HDAC5: variants seen among roughly 807,000 people sequenced by gnomAD.
HDAC5 encodes antigen NY-CO-9.
Under a neutral mutation model 133.3 loss-of-function variants are expected in HDAC5, and 25 were observed. The ratio of observed to expected loss-of-function variants is 0.19; its 90% CI spans 0.14 to 0.26. The LOEUF is 0.26. Ranked by LOEUF, HDAC5 falls within the 10% of genes least tolerant of loss-of-function variation. HDAC5 has a pLI of 1.00. For missense variants in HDAC5, 1,041 were observed against 1,460.5 expected, an observed-to-expected ratio of 0.71 and a Z score of 4.68; for synonymous variants, 589 against 610.8, an observed-to-expected ratio of 0.96 and a Z score of 0.53.
rs1479405609 is a variant in HDAC5 at position 44,102,683 on chromosome 17, T to G, written c.94+8046A>C. Among the ~76,000 whole-genome samples the G allele has an allele frequency of 5.5e-5, 6 of 108,586 alleles. 1 individual carries two copies. The highest frequency in any genetic ancestry group is 3.0e-4 in the Admixed American group (3 of 9,866). The allele number at this position is 108,586 out of a possible 152,430, so 71.2% of individuals were successfully genotyped here. On this transcript the variant is annotated intron_variant, in intron 3 of 26. Transcript: ENST00000682912. ...AGGTTCTCTCTTTTTTTTTTTTTTT[T>G]GGAGACAGTCTCTCTGTTGCCCAGC...
chr17:44,103,704 G>GT (rs1237308185), intron 3 of HDAC5, among the ~76,000 whole-genome samples: 13 of 150,974 alleles, frequency 8.6e-5, no homozygotes, highest in African/African-American at 3.2e-4. Context: ...TCTCAGAATG[G>GT]TTTTTTCTTT....
In HDAC5 at chr17:44,117,721, CA is replaced by C. The variant is rs1598043489; in HGVS notation, c.-189-18del. ...ACGGCATCCCTGGGGAGAGATGGAG[CA>C]GGGTTAGAGGCCCCTAACTCAGGAA... is the stretch of plus-strand genomic sequence containing the variant. On this transcript the variant is annotated intron_variant, in intron 1 of 26. Coordinates refer to ENST00000682912, the MANE Select transcript of HDAC5 (RefSeq NM_005474.5). This position sits in a 1 kb window ranked among gnomAD's most constrained non-coding sequence, Gnocchi z 4.2. The C allele has an allele frequency of 1.6e-6, 1 of 629,716 alleles. No homozygotes were observed. The highest frequency in any genetic ancestry group is 2.7e-5 in the East Asian group (1 of 36,574). The allele number at this position is 629,716 out of a possible 1,614,324, so 39.0% of individuals were successfully genotyped here.
intron 18 of HDAC5, 56 bp from the exon 19 acceptor site, chr17:44,082,876 G>T (rs188695612): frequency 6.1e-6 from 9 of 1,475,106 alleles, no homozygotes; most frequent in East Asian, 2.5e-5. Flanking sequence ...GGCCGTGGAG[G>T]GGGTAGCACA....
At chr17:44,090,443 C>T (rs1227733123) in intron 11 of HDAC5, among the ~76,000 whole-genome samples, 4 of 151,884 alleles carry the variant, frequency 2.6e-5, no homozygotes, top group Non-Finnish European at 5.9e-5. Context: ...GGAGCGATCT[C>T]GGCTCACTGC....
intron 2 of HDAC5, chr17:44,115,941 T>A (rs1160648133): frequency 6.6e-6 from 1 of 152,242 alleles, no homozygotes; most frequent in East Asian, 1.9e-4. Context: ...AACACTCTTG[T>A]CAGCTCCCAC....
Position 44,092,257 on chromosome 17 carries a change from C to T in HDAC5, c.947G>A (p.Gly316Asp). The T allele has an allele frequency of 1.2e-6, 2 of 1,613,932 alleles. No homozygotes were observed. Among genetic ancestry groups the T allele is most frequent in the Non-Finnish European group, 1.7e-6 (2 of 1,179,954 alleles). ...GCTGTTGGGAGAGCTGGGGCCGGAG[C>T]CGGGTGCGCTGTTACACACGGACGA... The part of the protein sequence containing the change: ...GASSVCNSAP[G>D]SGPSSPNSSH... The change falls in exon 9 of 27, where the codon GGC (glycine) becomes GAC (aspartate). Residue 316 changes from glycine to aspartate, a missense_variant. This residue lies in a region of HDAC5 where 433 missense variants were observed against 531.6 expected (regional missense o/e 0.81). Coordinates refer to ENST00000682912, the MANE Select transcript of HDAC5 (RefSeq NM_005474.5).
In HDAC5 at chr17:44,117,460, C is replaced by T; in HGVS notation, c.22+34G>A. 6.2e-7 allele frequency: 1 copy of T among 1,613,576 alleles called. No individual in the cohort carries two copies. The highest frequency in any genetic ancestry group is 1.1e-5 in the South Asian group (1 of 91,072). On this transcript the variant is annotated intron_variant, in intron 2 of 26. Transcript: ENST00000682912. This position sits in a 1 kb window ranked among gnomAD's most constrained non-coding sequence, Gnocchi z 4.2. ...ACAGCCCATTGCATCCGAAGCTACC[C>T]CAGGGTGCTCTTCTCCAACCTCCCA...
At chr17:44,084,530 C>T in intron 16 of HDAC5, 25 bp downstream of exon 16, 1 of 1,612,856 alleles carries the variant, frequency 6.2e-7, no homozygotes, top group Non-Finnish European at 8.5e-7. Context: ...AACATGCCTG[C>T]CCGCCCACCC....
chr17:44,114,436 G>T (rs907018298), intron 2 of HDAC5, among the ~76,000 whole-genome samples: 8 of 145,274 alleles, frequency 5.5e-5, no homozygotes, highest in African/African-American at 2.1e-4. Flanking sequence ...GAGAGCAGGC[G>T]TGGGGGGGGG....
At position 44,091,816 on chromosome 17, in the gene HDAC5, G is replaced by T. The variant is rs1368368169; in HGVS notation, c.1048C>A (p.Arg350=). 6.4e-7 allele frequency: 1 copy of T among 1,569,658 alleles called. No individual in the cohort carries two copies. Among genetic ancestry groups the T allele is most frequent in the Non-Finnish European group, 8.6e-7 (1 of 1,160,306 alleles). Residue 350 remains arginine (R), a synonymous_variant, in exon 10 of 27, where the codon CGA becomes AGA. Coordinates refer to ENST00000682912, the MANE Select transcript of HDAC5 (RefSeq NM_005474.5). ...GGGGAGCTGTCCAGAGGGAGGGCTC[G>T]GTGCTGAGGGAGCATCTGGGGAGCA... is the stretch of plus-strand genomic sequence containing the variant. ...NIPTEMLPQH[R]ALPLDSSPNQ...
At position 44,086,621 on chromosome 17, in the gene HDAC5, C is replaced by T; in HGVS notation, c.2001G>A (p.Gly667=). 7.7e-7 allele frequency: 1 copy of T among 1,303,670 alleles called. No individual in the cohort carries two copies. Among genetic ancestry groups the T allele is most frequent in the Non-Finnish European group, 9.8e-7 (1 of 1,018,340 alleles). The allele number at this position is 1,303,670 out of a possible 1,614,324, so 80.8% of individuals were successfully genotyped here. Residue 667 remains glycine (G), a synonymous_variant, in exon 14 of 27, where the codon GGG becomes GGA. Transcript: ENST00000682912. ...GRTQSSPAAP[G]GMKSPPDQPV... is the part of the protein sequence containing the mutation. Reference sequence around the variant, plus strand: ...GCTGGTCTGGGGGGCTCTTCATGCCCCCAGGGGCAGCAGGGGAGGACTGGG... The same window carrying T: ...GCTGGTCTGGGGGGCTCTTCATGCCTCCAGGGGCAGCAGGGGAGGACTGGG...
chr17:44,100,768 A>C (rs570616550), intron 3 of HDAC5, among the ~76,000 whole-genome samples: 8 of 151,134 alleles, frequency 5.3e-5, no homozygotes, highest in South Asian at 4.2e-4. Context: ...TAAATAAATA[A>C]ATACATACAT....
Position 44,092,355 on chromosome 17 carries a change from AACAGGT to A in HDAC5, c.919+20_919+25del. On this transcript the variant is annotated intron_variant, in intron 8 of 26. Coordinates refer to ENST00000682912, the MANE Select transcript of HDAC5 (RefSeq NM_005474.5). Reference sequence around the variant, plus strand: ...CGACCCCTGATTCCCAGACCCTCAGAACAGGTACATGAGAGCAGCCCTTACCCCCAG... The same window carrying A: ...CGACCCCTGATTCCCAGACCCTCAGAACATGAGAGCAGCCCTTACCCCCAG... 6.2e-7 allele frequency: 1 copy of A among 1,612,070 alleles called. No individual in the cohort carries two copies. The highest frequency in any genetic ancestry group is 8.5e-7 in the Non-Finnish European group (1 of 1,178,370).
intron 3 of HDAC5, among the ~76,000 whole-genome samples, chr17:44,110,373 G>T (rs1432370017): frequency 1.3e-5 from 2 of 152,198 alleles, no homozygotes; most frequent in Non-Finnish European, 2.9e-5. Context: ...TGGGGAGCGG[G>T]CAGCATGGAG....
In HDAC5 at chr17:44,078,315, T is replaced by C; in HGVS notation, c.*61A>G. The C allele has an allele frequency of 6.8e-7, 1 of 1,480,674 alleles. No individual in the cohort carries two copies. The highest frequency in any genetic ancestry group is 2.7e-5 in the Admixed American group (1 of 37,048). 91.7% of individuals were successfully genotyped at this position (1,480,674 alleles called of 1,614,324 possible). ...CTTGTTGAATGTGTGACTTTTTGTTTTTAATAGAAAAAATAAACAAAATCA... is the reference window on the plus strand; with the variant it reads ...CTTGTTGAATGTGTGACTTTTTGTTCTTAATAGAAAAAATAAACAAAATCA... On this transcript the variant is annotated 3_prime_UTR_variant, in exon 27 of 27. Coordinates refer to ENST00000682912, the MANE Select transcript of HDAC5 (RefSeq NM_005474.5).
intron 20 of HDAC5, 102 bp from the exon 21 acceptor site, chr17:44,080,984 A>G: frequency 6.6e-7 from 1 of 1,516,326 alleles, no homozygotes; most frequent in Non-Finnish European, 9.1e-7. Flanking sequence ...CTGTAATCCT[A>G]GCATTTTGGG....
At chr17:44,108,908 C>T (rs183858053) in intron 3 of HDAC5, among the ~76,000 whole-genome samples, 3 of 152,174 alleles carry the variant, frequency 2.0e-5, no homozygotes, top group East Asian at 1.9e-4. Context: ...CGCCTCCCTC[C>T]TGCCAGCATG....
intron 20 of HDAC5, among the ~76,000 whole-genome samples, chr17:44,081,389 A>G (rs1317514515): frequency 1.3e-5 from 2 of 151,396 alleles, no homozygotes; most frequent in Non-Finnish European, 2.9e-5. Flanking sequence ...AGCTGGGATT[A>G]CAGGCGCCCA....
At chr17:44,100,232 T>C (rs966405440) in intron 3 of HDAC5, among the ~76,000 whole-genome samples, 5 of 152,106 alleles carry the variant, frequency 3.3e-5, no homozygotes, top group East Asian at 1.9e-4. Context: ...GAACACACCA[T>C]GAGCTGCACC....
Sources: allele counts gnomAD v4.1 joint callset (sites outside exome capture counted in the v4.1 genomes callset), GRCh38; gene constraint gnomAD v4.1.1; regional missense constraint gnomAD v4.1.1; non-coding constraint Gnocchi (gnomAD v3.1); transcripts MANE v1.5; gene names NCBI Gene and HGNC (gene_info 2026-07-23, HGNC 2026-07-21).